SEMA5B: variants seen among roughly 807,000 people sequenced by gnomAD.
SEMA5B encodes the protein semaphorin-5B.
Under a neutral mutation model 135.0 loss-of-function variants are expected in SEMA5B, and 66 were observed. That is an observed-to-expected ratio of 0.49 (90% CI 0.40 to 0.60). The LOEUF is 0.60. SEMA5B is among the 20% of genes least tolerant of loss of function. The pLI, the probability that SEMA5B is intolerant of heterozygous loss-of-function variation, is 0.00. For missense variants in SEMA5B, 1,501 were observed against 1,566.3 expected (o/e 0.96, Z 0.70); for synonymous variants, 690 against 639.5 (o/e 1.08, Z -1.19).
chr3:122,959,835 G>A (rs1049387242), intron 2 of SEMA5B, among the ~76,000 whole-genome samples: 1 of 152,174 alleles, frequency 6.6e-6, no homozygotes, highest in Non-Finnish European at 1.5e-5. Context: ...TTTCACTAAG[G>A]TAATATCATG....
At chr3:123,023,924 C>G (rs1039023160) in intron 1 of SEMA5B, among the ~76,000 whole-genome samples, 8 of 152,166 alleles carry the variant, frequency 5.3e-5, no homozygotes, top group African/African-American at 1.9e-4. Context: ...TACCCTGTAC[C>G]CAGGCAGTGA....
intron 1 of SEMA5B, among the ~76,000 whole-genome samples, chr3:123,004,078 G>A (rs58099761): frequency 0.069 from 10,504 of 152,098 alleles, 428 homozygotes; most frequent in East Asian, 0.16. Context: ...AAGCTAAACA[G>A]CATACGTACC....
chr3:122,920,692 C>T (rs142236823), intron 12 of SEMA5B, among the ~76,000 whole-genome samples: 75 of 152,284 alleles, frequency 4.9e-4, no homozygotes, highest in African/African-American at 1.5e-3. Flanking sequence ...CAAGATCATA[C>T]GGTTAGTAGA....
At chr3:123,022,744 T>A (rs1188970571) in intron 1 of SEMA5B, among the ~76,000 whole-genome samples, 1 of 152,226 alleles carries the variant, frequency 6.6e-6, no homozygotes, top group African/African-American at 2.4e-5. Flanking sequence ...AAATCAGGAC[T>A]GAGAGGCCAT....
chr3:122,911,263 G>A (rs1937683461), intron 21 of SEMA5B: 1 of 1,297,230 alleles, frequency 7.7e-7, no homozygotes, highest in African/African-American at 1.5e-5. Context: ...GGCAACCAGA[G>A]GGTCTAGAGT....
At chr3:122,944,670 G>T (rs1419282743) in intron 3 of SEMA5B, among the ~76,000 whole-genome samples, 1 of 151,604 alleles carries the variant, frequency 6.6e-6, no homozygotes, top group Non-Finnish European at 1.5e-5. Flanking sequence ...GACTGGGTGG[G>T]CAGAGAGGAG....
At chr3:122,980,460 C>CAA (rs34995253) in intron 1 of SEMA5B, among the ~76,000 whole-genome samples, 3,301 of 109,716 alleles carry the variant, frequency 0.03, 105 homozygotes, top group African/African-American at 0.086. Context: ...AAAGCCGTGT[C>CAA]AAAAAAAAAA....
At chr3:122,995,696 G>T (rs1354439360) in intron 1 of SEMA5B, among the ~76,000 whole-genome samples, 2 of 152,172 alleles carry the variant, frequency 1.3e-5, no homozygotes, top group Non-Finnish European at 2.9e-5. Context: ...GATCATGGCT[G>T]GGGGGCCAGG....
At chr3:123,019,994 G>C (rs1436293627) in intron 1 of SEMA5B, among the ~76,000 whole-genome samples, 1 of 152,222 alleles carries the variant, frequency 6.6e-6, no homozygotes, top group Non-Finnish European at 1.5e-5. Context: ...CTTAAACTCT[G>C]AATCCAAAAA....
At chr3:122,996,465 T>C (rs1026073351) in intron 1 of SEMA5B, among the ~76,000 whole-genome samples, 4 of 152,198 alleles carry the variant, frequency 2.6e-5, no homozygotes, top group African/African-American at 9.6e-5. Flanking sequence ...CTGGCTGCCC[T>C]GACCCCGGCC....
chr3:122,978,018 C>A (rs1309634830), intron 1 of SEMA5B, among the ~76,000 whole-genome samples: 1 of 152,250 alleles, frequency 6.6e-6, no homozygotes, highest in Non-Finnish European at 1.5e-5. Flanking sequence ...GTCCTAGGGG[C>A]TCTGTGAATG....
At position 122,993,877 on chromosome 3, in the gene SEMA5B, GT is replaced by G. The variant is rs201727521; in HGVS notation, c.-38-32577del. ...TTTGGAAGAAGCATTTCACGAAATAGTCAGCGGCATCGCCCCTCCTTTTCCC... is the reference window on the plus strand; with the variant it reads ...TTTGGAAGAAGCATTTCACGAAATAGCAGCGGCATCGCCCCTCCTTTTCCC... On this transcript the variant is annotated intron_variant, in intron 1 of 22. Coordinates refer to ENST00000357599, the MANE Select transcript of SEMA5B (RefSeq NM_001031702.4). Among the ~76,000 whole-genome samples, 1,298 of 152,102 alleles carry G rather than the reference GT, an allele frequency of 8.5e-3. 22 individuals are homozygous for G. Among genetic ancestry groups the G allele is most frequent in the African/African-American group, 0.03 (1,235 of 41,464 alleles).
intron 3 of SEMA5B, among the ~76,000 whole-genome samples, chr3:122,945,993 C>T (rs1001027942): frequency 2.6e-5 from 4 of 152,026 alleles, no homozygotes; most frequent in African/African-American, 9.7e-5. Context: ...CCAGCCTGCT[C>T]GTATTAAACA....
In SEMA5B at chr3:122,922,455, G is replaced by C; in HGVS notation, c.1273-8C>G. On this transcript the variant is annotated splice_polypyrimidine_tract_variant and splice_region_variant and intron_variant, in intron 10 of 22. Coordinates refer to ENST00000357599, the MANE Select transcript of SEMA5B (RefSeq NM_001031702.4). ...CTCAGGCAGGGTGCCACACTGCCGC[G>C]GGGAGCCAGGTCACGCGCGCCCCGG... is the stretch of plus-strand genomic sequence containing the variant. 1 of 1,585,096 alleles carries C rather than the reference G, an allele frequency of 6.3e-7. No individual in the cohort carries two copies. The highest frequency in any genetic ancestry group is 8.6e-7 in the Non-Finnish European group (1 of 1,166,724).
At chr3:122,966,440 TGAC>T (rs1455405704) in intron 1 of SEMA5B, among the ~76,000 whole-genome samples, 2 of 152,202 alleles carry the variant, frequency 1.3e-5, no homozygotes, top group Non-Finnish European at 2.9e-5. Context: ...TGGACTACAT[TGAC>T]TAGCTGGGTC....
chr3:122,914,152 G>T, intron 14 of SEMA5B, 151 bp from the exon 15 acceptor site: 1 of 788,130 alleles, frequency 1.3e-6, no homozygotes, highest in Non-Finnish European at 1.9e-6. Flanking sequence ...GTCATCTCAG[G>T]CAGACTCGCT....
intron 2 of SEMA5B, among the ~76,000 whole-genome samples, chr3:122,956,656 C>A (rs1017433685): frequency 2.8e-4 from 42 of 152,124 alleles, no homozygotes; most frequent in African/African-American, 1.0e-3. Context: ...GTGCCCCCTG[C>A]ACAACCGAAC....
chr3:122,969,609 A>T (rs1941025923), intron 1 of SEMA5B, among the ~76,000 whole-genome samples: 1 of 152,004 alleles, frequency 6.6e-6, no homozygotes. Context: ...GCTCCACCTC[A>T]TGGACATCAC....
At chr3:122,975,679 C>T (rs1941293296) in intron 1 of SEMA5B, among the ~76,000 whole-genome samples, 1 of 152,192 alleles carries the variant, frequency 6.6e-6, no homozygotes, top group Non-Finnish European at 1.5e-5. Context: ...TGTGATTATG[C>T]AGACCTTCCA....
Sources: gnomAD v4.1 joint callset for allele counts (sites outside exome capture counted in the v4.1 genomes callset) on GRCh38, gnomAD v4.1.1 for gene constraint, MANE v1.5 for transcripts, NCBI Gene and HGNC (gene_info 2026-07-23, HGNC 2026-07-21) for gene names.